CASP8: variants seen among roughly 807,000 people sequenced by gnomAD.
CASP8 encodes the protein caspase-8.
In CASP8, 24 loss-of-function variants were observed where a neutral mutation model predicts 46.3. The ratio of observed to expected loss-of-function variants is 0.52; its 90% CI spans 0.38 to 0.73. CASP8 has a LOEUF of 0.73. Ranked by LOEUF, CASP8 falls within the 30% of genes least tolerant of loss-of-function variation. The pLI, the probability that CASP8 is intolerant of heterozygous loss-of-function variation, is 0.00. For synonymous variants in CASP8, 188 were observed against 200.4 expected (o/e 0.94, Z 0.52); for missense variants, 460 against 559.0 (o/e 0.82, Z 1.79).
chr2:201,281,875 C>G (rs1949044375), intron 7 of CASP8: 12 of 1,483,958 alleles, frequency 8.1e-6, no homozygotes, highest in Non-Finnish European at 1.1e-5. Context: ...ATATTAGAAG[C>G]CTGCAGAATC....
intron 5 of CASP8, 121 bp from the exon 6 acceptor site, chr2:201,274,768 T>A: frequency 1.2e-6 from 1 of 816,852 alleles, no homozygotes; most frequent in East Asian, 2.6e-5. Flanking sequence ...TGAGCCCCTG[T>A]TCCCAGCTTG....
intron 2 of CASP8, among the ~76,000 whole-genome samples, chr2:201,235,342 T>C (rs1300378047): frequency 6.6e-6 from 1 of 152,212 alleles, no homozygotes. Context: ...TCTTTTATTA[T>C]AGAAAAATGT....
chr2:201,265,789 A>G (rs1450687744), intron 1 of CASP8, among the ~76,000 whole-genome samples: 2 of 151,938 alleles, frequency 1.3e-5, no homozygotes, highest in Non-Finnish European at 2.9e-5. Context: ...GCCTGAATGG[A>G]CTTGAAAGTT....
intron 2 of CASP8, chr2:201,242,695 A>C (rs1946353935): frequency 6.6e-6 from 1 of 152,200 alleles, no homozygotes; most frequent in Non-Finnish European, 1.5e-5. Flanking sequence ...AAAACCTCTG[A>C]AGTATAAAAA....
intron 2 of CASP8, among the ~76,000 whole-genome samples, chr2:201,268,838 T>G (rs1236736544): frequency 6.6e-6 from 1 of 152,090 alleles, no homozygotes; most frequent in Non-Finnish European, 1.5e-5. Flanking sequence ...TCTCTGTGTC[T>G]AAATCTCCCT....
At chr2:201,251,228 G>T (rs534188909) in intron 2 of CASP8, among the ~76,000 whole-genome samples, 22 of 152,336 alleles carry the variant, frequency 1.4e-4, no homozygotes, top group African/African-American at 5.3e-4. Flanking sequence ...ACATTCATGT[G>T]CAGGTTTTTG....
At chr2:201,273,147 T>C (rs1948400123) in intron 5 of CASP8, among the ~76,000 whole-genome samples, 1 of 149,724 alleles carries the variant, frequency 6.7e-6, no homozygotes, top group Non-Finnish European at 1.5e-5. Context: ...AATCTCCGCC[T>C]CCCAGGTTCA....
chr2:201,243,965 C>T (rs1946406157), intron 2 of CASP8, among the ~76,000 whole-genome samples: 1 of 152,234 alleles, frequency 6.6e-6, no homozygotes, highest in African/African-American at 2.4e-5. Context: ...TTGCTAATGG[C>T]TGGGCCTGAC....
chr2:201,266,001 A>C lies in CASP8; in HGVS notation c.-26-460A>C, dbSNP rs1947795576. 6.9e-6 allele frequency among the ~76,000 whole-genome samples: 1 copy of C among 144,444 alleles called. No individual in the cohort carries two copies. Among genetic ancestry groups the C allele is most frequent in the Non-Finnish European group, 1.5e-5 (1 of 66,738 alleles). The allele number at this position is 144,444 out of a possible 152,430, so 94.8% of individuals were successfully genotyped here. On this transcript the variant is annotated intron_variant, in intron 1 of 8. Transcript: ENST00000673742. The surrounding 1 kb of genome is among the most constrained non-coding windows in gnomAD (Gnocchi z 5.7). ...TTTGTGTTTTTTTTTTTTTTGTGAG[A>C]CGGAGTCTTGCCCTGTCACCCAGGC... is the stretch of plus-strand genomic sequence containing the variant.
chr2:201,251,959 T>A (rs1663537315), intron 2 of CASP8, among the ~76,000 whole-genome samples: 1 of 152,074 alleles, frequency 6.6e-6, no homozygotes. Flanking sequence ...AGTGTCCGTA[T>A]GAGTTTTCAT....
chr2:201,286,609 TTG>T lies in CASP8; in HGVS notation c.*17_*18del, dbSNP rs781091249. ...CTTCTGATTGATGGTGCTATTTTGT[TTG>T]TTTTGTTTTGTTTTGTTTTTTTGAG... On this transcript the variant is annotated 3_prime_UTR_variant, in exon 9 of 9. Transcript: ENST00000673742. The T allele has an allele frequency of 6.2e-7, 1 of 1,600,364 alleles. No homozygotes were observed. The highest frequency in any genetic ancestry group is 8.5e-7 in the Non-Finnish European group (1 of 1,169,710).
chr2:201,238,567 G>A (rs1287022541), intron 2 of CASP8, among the ~76,000 whole-genome samples: 3 of 151,652 alleles, frequency 2.0e-5, no homozygotes, highest in Non-Finnish European at 4.4e-5. Flanking sequence ...TCAGCCTCCC[G>A]AGTAGCTGGG....
intron 2 of CASP8, chr2:201,242,818 C>T (rs555648415): frequency 1.3e-5 from 2 of 151,800 alleles, no homozygotes; most frequent in African/African-American, 2.4e-5. Context: ...TTTACAGTAG[C>T]CAAGATGTGC....
At chr2:201,247,932 C>A (rs1946611401) in intron 2 of CASP8, among the ~76,000 whole-genome samples, 1 of 152,192 alleles carries the variant, frequency 6.6e-6, no homozygotes. Flanking sequence ...GCGTGAGCCA[C>A]TGCGCCCGGC....
upstream of CASP8, chr2:201,258,229 G>A: frequency 6.2e-7 from 1 of 1,607,206 alleles, no homozygotes; most frequent in Non-Finnish European, 8.5e-7. Flanking sequence ...AGGAAGTGAG[G>A]CCATGGAGGG....
At chr2:201,275,099 CA>C (rs540660831) in intron 6 of CASP8, 146 bp downstream of exon 6, 4 of 672,242 alleles carry the variant, frequency 6.0e-6, no homozygotes, top group Non-Finnish European at 5.3e-6. Flanking sequence ...AAAATTCACA[CA>C]AAAAAAGTTA....
At chr2:201,270,460 T>C (rs923157769) in intron 2 of CASP8, among the ~76,000 whole-genome samples, 7 of 152,250 alleles carry the variant, frequency 4.6e-5, no homozygotes, top group African/African-American at 1.7e-4. Flanking sequence ...CTGGGTCCGC[T>C]GAGCTCAATC....
At chr2:201,245,461 G>A (rs909487611) in intron 2 of CASP8, among the ~76,000 whole-genome samples, 1 of 152,122 alleles carries the variant, frequency 6.6e-6, no homozygotes, top group Admixed American at 6.5e-5. Context: ...GCCTGGTCTC[G>A]AACTCCTAAC....
chr2:201,261,504 C>T (rs1178606079), intron 1 of CASP8, among the ~76,000 whole-genome samples: 1 of 151,770 alleles, frequency 6.6e-6, no homozygotes, highest in Non-Finnish European at 1.5e-5. Context: ...TAAGAATTTA[C>T]AGGTGAAGTT....
Sources: allele counts gnomAD v4.1 joint callset (sites outside exome capture counted in the v4.1 genomes callset), GRCh38; gene constraint gnomAD v4.1.1; non-coding constraint Gnocchi (gnomAD v3.1); transcripts MANE v1.5; gene names NCBI Gene and HGNC (gene_info 2026-07-23, HGNC 2026-07-21).